FAM221B: variants seen among roughly 807,000 people sequenced by gnomAD.
The protein encoded by FAM221B is family with sequence similarity 221 member B, also known as protein FAM221B.
In FAM221B, 35 loss-of-function variants were observed where a neutral mutation model predicts 39.8. That is an observed-to-expected ratio of 0.88 (90% CI 0.67 to 1.17). FAM221B has a LOEUF of 1.17. FAM221B is among the 50% of genes most tolerant of loss of function. The probability of loss-of-function intolerance (pLI) is 0.00; values close to 1 mark genes in which losing one functional copy is unlikely to be tolerated. For synonymous variants in FAM221B, 158 were observed against 178.1 expected, an observed-to-expected ratio of 0.89 and a Z score of 0.90; for missense variants, 479 against 503.1, an observed-to-expected ratio of 0.95 and a Z score of 0.46.
In FAM221B at chr9:35,825,229, C is replaced by G; in HGVS notation, c.742+1G>C. On this transcript the variant is annotated splice_donor_variant, in intron 3 of 6. Coordinates refer to ENST00000423537, the MANE Select transcript of FAM221B (RefSeq NM_001012446.4). LOFTEE classifies it high-confidence loss of function. This position sits in a 1 kb window ranked among gnomAD's most constrained non-coding sequence, Gnocchi z 4.2. ...GCCTCTGAAAGGCCACATGGGCTCACCTGTCTGGATGGCATTCAGGGCTGC... is the reference window on the plus strand; with the variant it reads ...GCCTCTGAAAGGCCACATGGGCTCAGCTGTCTGGATGGCATTCAGGGCTGC... 1.2e-6 allele frequency: 2 copies of G among 1,614,222 alleles called. No homozygotes were observed. The highest frequency in any genetic ancestry group is 1.7e-4 in the Middle Eastern group (1 of 6,058).
At chr9:35,824,217 G>T (rs1435338123) in intron 3 of FAM221B, among the ~76,000 whole-genome samples, 1 of 152,176 alleles carries the variant, frequency 6.6e-6, no homozygotes, top group African/African-American at 2.4e-5. Flanking sequence ...AACATCTATT[G>T]AATTCAGTCT....
intron 3 of FAM221B, among the ~76,000 whole-genome samples, chr9:35,820,485 A>G (rs7018584): frequency 0.016 from 2,388 of 152,314 alleles, 66 homozygotes; most frequent in African/African-American, 0.054. Flanking sequence ...GAGCATATTT[A>G]TTGAAGGTCC....
At position 35,819,351 on chromosome 9, in the gene FAM221B, C is replaced by A. The variant is rs1246591591; in HGVS notation, c.897G>T (p.Met299Ile). The A allele has an allele frequency of 6.4e-7, 1 of 1,551,750 alleles. No individual in the cohort carries two copies. The highest frequency in any genetic ancestry group is 2.0e-5 in the Admixed American group (1 of 51,014). Residue 299 changes from methionine (M) to isoleucine (I), a missense_variant, in exon 5 of 7, where the codon ATG becomes ATT. Met to Ile is a conservative substitution (Grantham distance 10). Transcript: ENST00000423537. ...PCKVSQCRCF[M>I]FCFIPSRPEE... ...CTGGGCGTGATGGGATAAAGCAGAA[C>A]ATGAAGCAGCGGCACTGGCTTACCT...
At chr9:35,823,140 A>G (rs1829186982) in intron 3 of FAM221B, among the ~76,000 whole-genome samples, 1 of 152,198 alleles carries the variant, frequency 6.6e-6, no homozygotes, top group Non-Finnish European at 1.5e-5. Flanking sequence ...CTCATCTTAC[A>G]GATATCAGCT....
chr9:35,822,614 G>T (rs1829175966), intron 3 of FAM221B, among the ~76,000 whole-genome samples: 1 of 152,100 alleles, frequency 6.6e-6, no homozygotes, highest in East Asian at 1.9e-4. Flanking sequence ...TCACCATGTT[G>T]TCCAGGCTGG....
Position 35,825,877 on chromosome 9 carries a change from A to G in FAM221B, c.285T>C (p.Asp95=), listed in dbSNP as rs1434997856. 6.2e-7 allele frequency: 1 copy of G among 1,614,016 alleles called. No homozygotes were observed. Among genetic ancestry groups the G allele is most frequent in the Non-Finnish European group, 8.5e-7 (1 of 1,180,020 alleles). ...SETPTYEASL[D]SPISVVPEKH... is the part of the protein sequence containing the mutation. ...TCTCTGGCACCACTGAGATGGGACT[A>G]TCCAATGAAGCCTCATAGGTAGGGG... The change falls in exon 2 of 7, where the codon GAT becomes GAC. Residue 95 remains aspartate (D), a synonymous_variant. Transcript: ENST00000423537. The surrounding 1 kb of genome is among the most constrained non-coding windows in gnomAD (Gnocchi z 4.2).
intron 3 of FAM221B, chr9:35,821,505 C>G (rs1259806606): frequency 7.3e-7 from 1 of 1,367,808 alleles, no homozygotes; most frequent in African/African-American, 1.5e-5. Context: ...TGTCTTGATG[C>G]TGATTGCCTG....
intron 3 of FAM221B, among the ~76,000 whole-genome samples, chr9:35,824,643 G>A (rs941557607): frequency 6.6e-6 from 1 of 151,920 alleles, no homozygotes; most frequent in Non-Finnish European, 1.5e-5. Flanking sequence ...TATCTGGGGT[G>A]GGCCATGACC....
chr9:35,825,955 G>A lies in FAM221B; in HGVS notation c.207C>T (p.Ala69=), dbSNP rs757082023. 1.2e-6 allele frequency: 2 copies of A among 1,614,062 alleles called. No homozygotes were observed. The highest frequency in any genetic ancestry group is 1.1e-5 in the South Asian group (1 of 91,058). Residue 69 remains alanine, a synonymous_variant, in exon 2 of 7, where the codon GCC becomes GCT. Transcript: ENST00000423537. This position sits in a 1 kb window ranked among gnomAD's most constrained non-coding sequence, Gnocchi z 4.2. ...VPSPSQIPLE[A]HSPETHQEPS... ...GCTCCTGATGGGTTTCAGGGGAATG[G>A]GCCTCTAAGGGGATCTGGGAAGGGG...
chr9:35,819,037 T>C lies in FAM221B; in HGVS notation c.1052-28A>G. ...GGGGCAAAAGTGCAGCCAAGAAGAG[T>C]TTAGGAAATGGTGGTATCCCCAGGA... On this transcript the variant is annotated intron_variant, in intron 5 of 6. Transcript: ENST00000423537. 3 of 1,551,138 alleles carry C rather than the reference T, an allele frequency of 1.9e-6. No homozygotes were observed. The South Asian group carries it at 3.6e-5, about 18-fold the overall frequency.
In FAM221B at chr9:35,826,142, A is replaced by G. The variant is rs374896227; in HGVS notation, c.20T>C (p.Ile7Thr). The change falls in exon 2 of 7, where the codon ATA becomes ACA. Residue 7 changes from isoleucine to threonine, a missense_variant. By Grantham distance (89) the Ile-to-Thr change is moderately conservative. Transcript: ENST00000423537. The part of the protein sequence containing the change: MEAHEI[I>T]EEPHITMDAE... The stretch of plus-strand genomic sequence containing the variant: ...ATCCATGGTGATATGAGGCTCTTCT[A>G]TGATCTCATGTGCTTCCATCTAGTG... 21 of 1,593,444 alleles carry G rather than the reference A, an allele frequency of 1.3e-5. No individual in the cohort carries two copies. The highest frequency in any genetic ancestry group is 9.5e-5 in the African/African-American group (7 of 73,808).
intron 1 of FAM221B, among the ~76,000 whole-genome samples, chr9:35,827,469 C>A (rs1303139783): frequency 6.6e-6 from 1 of 152,104 alleles, no homozygotes; most frequent in Admixed American, 6.5e-5. Flanking sequence ...GGAGAGAGAC[C>A]GATTAACCAA....
At chr9:35,819,520 T>A in intron 4 of FAM221B, 126 bp from the exon 5 acceptor site, 2 of 849,692 alleles carry the variant, frequency 2.4e-6, no homozygotes, top group African/African-American at 1.7e-5. Context: ...TGAGATGGAG[T>A]TTTGCTCTGT....
In FAM221B at chr9:35,819,326, C is replaced by A. The variant is rs1292589358; in HGVS notation, c.922G>T (p.Glu308Ter). The A allele has an allele frequency of 6.4e-7, 1 of 1,551,770 alleles. No homozygotes were observed. The highest frequency in any genetic ancestry group is 1.2e-5 in the South Asian group (1 of 84,066). The stretch of plus-strand genomic sequence containing the variant: ...TTGAGCCAGAACTCACCCACCTCCT[C>A]TGGGCGTGATGGGATAAAGCAGAAC... ...FMFCFIPSRP[E>*]EVGEFWLKRR... The change falls in exon 5 of 7, where the codon GAG becomes TAG. Residue 308 changes from glutamate (E) to a stop codon, truncating the protein, a stop_gained. Transcript: ENST00000423537. LOFTEE classifies it high-confidence loss of function.
intron 3 of FAM221B, among the ~76,000 whole-genome samples, chr9:35,823,004 G>A (rs1829183798): frequency 6.6e-6 from 1 of 152,172 alleles, no homozygotes; most frequent in African/African-American, 2.4e-5. Flanking sequence ...TGCCCTTCTA[G>A]AGCAGAGTGG....
rs568949519 is a variant in FAM221B, at chr9:35,828,166, C to T, written c.-1+297G>A. On this transcript the variant is annotated intron_variant, in intron 1 of 6. Coordinates refer to ENST00000423537, the MANE Select transcript of FAM221B (RefSeq NM_001012446.4). The surrounding 1 kb of genome is among the most constrained non-coding windows in gnomAD (Gnocchi z 4.5). ...AATTAGCTGGGCATGGTGGCAGGCG[C>T]CTGTAGTCCCAGCTACTGGGGAGGC... Among the ~76,000 whole-genome samples, 9 of 152,226 alleles carry T rather than the reference C, an allele frequency of 5.9e-5. No homozygotes were observed. In the South Asian group the frequency reaches 1.9e-3, roughly 32 times the overall value.
intron 1 of FAM221B, among the ~76,000 whole-genome samples, chr9:35,827,560 T>C (rs1829423325): frequency 6.6e-6 from 1 of 152,238 alleles, no homozygotes; most frequent in African/African-American, 2.4e-5. Context: ...TAATTTATCC[T>C]GCAAGGATGT....
At chr9:35,824,871 C>T (rs1439451384) in intron 3 of FAM221B, among the ~76,000 whole-genome samples, 9 of 152,016 alleles carry the variant, frequency 5.9e-5, no homozygotes, top group East Asian at 1.9e-4. Context: ...TCAGTAGAGA[C>T]GGGGTTTCAT....
rs1255127537 is a variant in FAM221B, at chr9:35,825,141, A to G, written c.742+89T>C. 6.7e-7 allele frequency: 1 copy of G among 1,485,384 alleles called. No individual in the cohort carries two copies. The highest frequency in any genetic ancestry group is 9.2e-7 in the Non-Finnish European group (1 of 1,086,932). 92.0% of individuals were successfully genotyped at this position (1,485,384 alleles called of 1,614,324 possible). ...ATAGCCATTTCCAAAAGGGGAAGCT[A>G]TCTGCTGAATGTTCAGGTTCCCAGA... On this transcript the variant is annotated intron_variant, in intron 3 of 6. Coordinates refer to ENST00000423537, the MANE Select transcript of FAM221B (RefSeq NM_001012446.4). This position sits in a 1 kb window ranked among gnomAD's most constrained non-coding sequence, Gnocchi z 4.2.
Sources: gnomAD v4.1 joint callset for allele counts (sites outside exome capture counted in the v4.1 genomes callset) on GRCh38, gnomAD v4.1.1 for gene constraint, Gnocchi (gnomAD v3.1) non-coding constraint, MANE v1.5 for transcripts, NCBI Gene and HGNC (gene_info 2026-07-23, HGNC 2026-07-21) for gene names.